The following MACROD2 variants were observed in gnomAD, a reference collection of about 807,000 sequenced individuals.
The protein encoded by MACROD2 is mono-ADP ribosylhydrolase 2, also known as ADP-ribose glycohydrolase MACROD2.
A neutral mutation model predicts 70.4 loss-of-function variants in MACROD2; 36 were observed. The ratio of observed to expected loss-of-function variants is 0.51; its 90% CI spans 0.39 to 0.68. The LOEUF is 0.68. Ranked by LOEUF, MACROD2 falls within the 30% of genes least tolerant of loss-of-function variation. The pLI is 0.00. For missense variants in MACROD2, 496 were observed against 538.4 expected (o/e 0.92, Z 0.78); for synonymous variants, 172 against 178.8 (o/e 0.96, Z 0.30).
At chr20:15,502,216 G>A (rs144139509) in intron 8 of MACROD2, among the ~76,000 whole-genome samples, 227 of 152,276 alleles carry the variant, frequency 1.5e-3, no homozygotes, top group African/African-American at 2.0e-3. Context: ...TGCTGAGGAC[G>A]TAATCTTGGA....
At chr20:15,863,261 A>G (rs2064449721) in intron 9 of MACROD2, among the ~76,000 whole-genome samples, 1 of 152,158 alleles carries the variant, frequency 6.6e-6, no homozygotes, top group East Asian at 1.9e-4. Context: ...CTTTTCCTGC[A>G]TTCCATCCCT....
At position 14,869,742 on chromosome 20, in the gene MACROD2, A is replaced by G. The variant is rs1199456172; in HGVS notation, c.418+184783A>G. Among the ~76,000 whole-genome samples the G allele has an allele frequency of 3.1e-4, 47 of 152,184 alleles. 1 individual carries two copies. Among genetic ancestry groups the G allele is most frequent in the Admixed American group, 3.1e-3 (47 of 15,266 alleles). On this transcript the variant is annotated intron_variant, in intron 5 of 17. Transcript: ENST00000684519. ...CATTGTTGGTAAAGTAGTATCTGCC[A>G]TTTGCATAAATATCTAAATTGTAGA...
At chr20:16,002,964 C>G (rs2066730755) in intron 15 of MACROD2, among the ~76,000 whole-genome samples, 1 of 152,140 alleles carries the variant, frequency 6.6e-6, no homozygotes. Flanking sequence ...TGAGTCTCCT[C>G]AGTTGCACTT....
At chr20:15,149,544 G>A (rs970459515) in intron 5 of MACROD2, among the ~76,000 whole-genome samples, 8 of 152,032 alleles carry the variant, frequency 5.3e-5, no homozygotes, top group African/African-American at 9.7e-5. Flanking sequence ...ACTCAACAAA[G>A]AGTGAGTACA....
chr20:15,013,976 C>T (rs1485674077), intron 5 of MACROD2, among the ~76,000 whole-genome samples: 1 of 152,188 alleles, frequency 6.6e-6, no homozygotes, highest in Non-Finnish European at 1.5e-5. Flanking sequence ...CAGTGAAAGC[C>T]ATGGCCATGG....
At chr20:15,283,516 CA>C (rs1369143400) in intron 6 of MACROD2, among the ~76,000 whole-genome samples, 1 of 151,660 alleles carries the variant, frequency 6.6e-6, no homozygotes, top group Non-Finnish European at 1.5e-5. Context: ...CTACTAAAAA[CA>C]AAAAATTAGC....
intron 6 of MACROD2, among the ~76,000 whole-genome samples, chr20:15,402,272 G>A (rs2045940743): frequency 6.6e-6 from 1 of 152,130 alleles, no homozygotes; most frequent in Non-Finnish European, 1.5e-5. Context: ...AGGTTCTCCA[G>A]AGGCAAGAGG....
chr20:15,063,352 C>G (rs1324068471), intron 5 of MACROD2, among the ~76,000 whole-genome samples: 2 of 152,192 alleles, frequency 1.3e-5, no homozygotes, highest in African/African-American at 4.8e-5. Context: ...TGCTTCTTTT[C>G]CTAACCCTTT....
At chr20:14,108,115 G>T (rs78596023) in intron 3 of MACROD2, among the ~76,000 whole-genome samples, 2 of 151,964 alleles carry the variant, frequency 1.3e-5, no homozygotes, top group Admixed American at 6.6e-5. Flanking sequence ...GTTAAAAAGT[G>T]GGGGATGAAG....
At chr20:14,072,032 AAAG>A (rs2053851009) in intron 2 of MACROD2, among the ~76,000 whole-genome samples, 1 of 152,280 alleles carries the variant, frequency 6.6e-6, no homozygotes, top group Non-Finnish European at 1.5e-5. Context: ...ATAAACAAGC[AAAG>A]AAGAAAACAT....
intron 8 of MACROD2, among the ~76,000 whole-genome samples, chr20:15,504,234 C>T (rs950143174): frequency 4.6e-5 from 7 of 152,028 alleles, no homozygotes; most frequent in African/African-American, 1.7e-4. Flanking sequence ...TTAATTTACC[C>T]AAAGTCTGAA....
intron 5 of MACROD2, among the ~76,000 whole-genome samples, chr20:15,188,746 A>G: frequency 6.6e-6 from 1 of 152,162 alleles, no homozygotes; most frequent in Non-Finnish European, 1.5e-5. Context: ...CACTGTTCCT[A>G]AGGGAATATG....
At chr20:14,442,553 CTCTT>C (rs1345232989) in intron 3 of MACROD2, among the ~76,000 whole-genome samples, 4 of 152,200 alleles carry the variant, frequency 2.6e-5, no homozygotes, top group East Asian at 3.9e-4. Flanking sequence ...TTCTCTTCTT[CTCTT>C]TCTTTCTTTT....
intron 3 of MACROD2, among the ~76,000 whole-genome samples, chr20:14,334,134 A>G (rs2082893627): frequency 6.6e-6 from 1 of 152,208 alleles, no homozygotes; most frequent in Non-Finnish European, 1.5e-5. Flanking sequence ...TGCTTAAATT[A>G]TATTCTATTG....
At chr20:14,960,207 G>T (rs1459281474) in intron 5 of MACROD2, among the ~76,000 whole-genome samples, 2 of 152,008 alleles carry the variant, frequency 1.3e-5, no homozygotes, top group African/African-American at 4.8e-5. Context: ...CACACCCTTG[G>T]CTGGGAAACT....
intron 3 of MACROD2, among the ~76,000 whole-genome samples, chr20:14,179,272 G>A (rs2081288287): frequency 6.6e-6 from 1 of 152,108 alleles, no homozygotes; most frequent in Non-Finnish European, 1.5e-5. Flanking sequence ...AAATCTTTCT[G>A]ATTGTAAGAA....
chr20:14,750,741 G>C (rs1459939548), intron 5 of MACROD2, among the ~76,000 whole-genome samples: 2 of 151,920 alleles, frequency 1.3e-5, no homozygotes, highest in Non-Finnish European at 2.9e-5. Context: ...TTACGAGTGT[G>C]AGCCACCATG....
chr20:15,647,722 A>ACTT (rs577065384), intron 8 of MACROD2, among the ~76,000 whole-genome samples: 16 of 142,466 alleles, frequency 1.1e-4, no homozygotes, highest in African/African-American at 3.6e-4. Flanking sequence ...ACAATAGATG[A>ACTT]TTTTTTTTTT....
rs113819317 is a variant in MACROD2 at position 14,140,818 on chromosome 20, G to T, written c.271+55090G>T. Among the ~76,000 whole-genome samples, 7 of 152,238 alleles carry T rather than the reference G, an allele frequency of 4.6e-5. No individual in the cohort carries two copies. In the South Asian group the frequency reaches 1.2e-3, roughly 27 times the overall value. On this transcript the variant is annotated intron_variant, in intron 3 of 17. Coordinates refer to ENST00000684519, the MANE Select transcript of MACROD2 (RefSeq NM_001351661.2). ...TTCGAAATGATTATCAGTGGTATCG[G>T]CCGAGAGAGAGGCAGCTGGTGGGCT...
Sources: gnomAD v4.1 joint callset for allele counts (sites outside exome capture counted in the v4.1 genomes callset) on GRCh38, gnomAD v4.1.1 for gene constraint, MANE v1.5 for transcripts, NCBI Gene and HGNC (gene_info 2026-07-23, HGNC 2026-07-21) for gene names.